Variants in RAD51B observed in about 807,000 individuals in gnomAD.
RAD51B encodes RAD51 paralog B.
In RAD51B, 38 loss-of-function variants were observed where a neutral mutation model predicts 42.2. That is an observed-to-expected ratio of 0.90 (90% CI 0.70 to 1.18). RAD51B has a LOEUF of 1.18. RAD51B is among the 50% of genes most tolerant of loss of function. The pLI is 0.00. For missense variants in RAD51B, 373 were observed against 400.7 expected (o/e 0.93, Z 0.59); for synonymous variants, 154 against 145.2 (o/e 1.06, Z -0.43).
At chr14:68,568,987 C>T (rs1471434040) in intron 10 of RAD51B, among the ~76,000 whole-genome samples, 1 of 152,200 alleles carries the variant, frequency 6.6e-6, no homozygotes, top group South Asian at 2.1e-4. Context: ...TGTGGCTGGG[C>T]TTCCACAATG....
intron 10 of RAD51B, among the ~76,000 whole-genome samples, chr14:68,519,764 A>G (rs1216818556): frequency 6.6e-6 from 1 of 152,168 alleles, no homozygotes. Flanking sequence ...TCTGTATTAG[A>G]TTGCCCAGGA....
chr14:67,831,548 T>C (rs2041046381), intron 3 of RAD51B, among the ~76,000 whole-genome samples: 1 of 152,164 alleles, frequency 6.6e-6, no homozygotes, highest in Non-Finnish European at 1.5e-5. Flanking sequence ...TTTTATTCCT[T>C]TTTTTGAGAT....
At chr14:67,931,426 T>G (rs1486584255) in intron 7 of RAD51B, among the ~76,000 whole-genome samples, 1 of 152,050 alleles carries the variant, frequency 6.6e-6, no homozygotes, top group Non-Finnish European at 1.5e-5. Flanking sequence ...TTTCTTTGTA[T>G]TGTTTTTTGA....
intron 10 of RAD51B, among the ~76,000 whole-genome samples, chr14:68,474,151 A>G (rs1357676632): frequency 2.0e-5 from 3 of 152,188 alleles, no homozygotes; most frequent in Non-Finnish European, 4.4e-5. Context: ...CAATTTTATT[A>G]CCTGTGCTTC....
chr14:68,577,592 C>T (rs1890020996), intron 10 of RAD51B, among the ~76,000 whole-genome samples: 1 of 152,142 alleles, frequency 6.6e-6, no homozygotes, highest in African/African-American at 2.4e-5. Flanking sequence ...ATGCTCCCTT[C>T]ACTTCAGACC....
rs59465805 is a variant in RAD51B at position 67,948,931 on chromosome 14, C to CAAAAAAAAAA, written c.756+61745_756+61754dup. Among the ~76,000 whole-genome samples the CAAAAAAAAAA allele has an allele frequency of 3.3e-3, 56 of 17,060 alleles. 12 individuals carry two copies. The highest frequency in any genetic ancestry group is 0.01 in the African/African-American group (54 of 5,214). The allele number at this position is 17,060 out of a possible 152,430, so 11.2% of individuals were successfully genotyped here. ...TGGGTGACAGAGTGAGACTCTGTCT[C>CAAAAAAAAAA]AAAAAAAAAAAAAAAAAAAAAAAAA... is the stretch of plus-strand genomic sequence containing the variant. On this transcript the variant is annotated intron_variant, in intron 7 of 10. Transcript: ENST00000471583.
intron 7 of RAD51B, among the ~76,000 whole-genome samples, chr14:68,131,920 A>G (rs965821284): frequency 5.3e-5 from 8 of 152,248 alleles, no homozygotes; most frequent in Non-Finnish European, 8.8e-5. Flanking sequence ...GATATGTTTA[A>G]GATAGACTTG....
intron 7 of RAD51B, among the ~76,000 whole-genome samples, chr14:67,974,384 A>G (rs1452379622): frequency 1.3e-5 from 2 of 152,122 alleles, no homozygotes; most frequent in Non-Finnish European, 2.9e-5. Flanking sequence ...TCAGTTAGCA[A>G]CTGAATATCT....
chr14:68,660,323 G>A (rs1409100859), intron 11 of RAD51B, among the ~76,000 whole-genome samples: 3 of 152,238 alleles, frequency 2.0e-5, no homozygotes, highest in Admixed American at 6.5e-5. Flanking sequence ...GTGAATCGTG[G>A]ATTTGAGATT....
At chr14:67,940,645 A>G (rs760674760) in intron 7 of RAD51B, among the ~76,000 whole-genome samples, 5 of 152,134 alleles carry the variant, frequency 3.3e-5, no homozygotes, top group Non-Finnish European at 7.4e-5. Flanking sequence ...AGTCAGAGAT[A>G]TAAGTTCTCA....
chr14:68,580,718 C>T (rs562416906), intron 10 of RAD51B, among the ~76,000 whole-genome samples: 2 of 152,282 alleles, frequency 1.3e-5, no homozygotes, highest in African/African-American at 2.4e-5. Context: ...CTCTTCTTCC[C>T]TTTCAGTTAT....
At chr14:68,086,483 T>G (rs563729235) in intron 7 of RAD51B, among the ~76,000 whole-genome samples, 4 of 152,298 alleles carry the variant, frequency 2.6e-5, no homozygotes, top group African/African-American at 9.6e-5. Context: ...CACCTAGGCC[T>G]GTGGGCCCAG....
At chr14:68,435,568 A>T (rs768202184) in intron 9 of RAD51B, among the ~76,000 whole-genome samples, 10 of 151,580 alleles carry the variant, frequency 6.6e-5, no homozygotes, top group Non-Finnish European at 1.5e-4. Flanking sequence ...GCTAAGTCAA[A>T]TGATAGTTTT....
intron 7 of RAD51B, among the ~76,000 whole-genome samples, chr14:68,084,825 C>T (rs747869972): frequency 1.3e-5 from 2 of 152,056 alleles, no homozygotes; most frequent in Non-Finnish European, 2.9e-5. Context: ...TTGTACGCTG[C>T]TGTGTGTGTC....
At chr14:68,300,602 T>C (rs1157782272) in intron 8 of RAD51B, among the ~76,000 whole-genome samples, 1 of 152,210 alleles carries the variant, frequency 6.6e-6, no homozygotes, top group Non-Finnish European at 1.5e-5. Context: ...AATGTAAAAA[T>C]ATTTTCTTTT....
chr14:68,128,585 G>A (rs1247273900), intron 7 of RAD51B, among the ~76,000 whole-genome samples: 2 of 152,074 alleles, frequency 1.3e-5, no homozygotes, highest in African/African-American at 2.4e-5. Flanking sequence ...CCAGCTACAC[G>A]GGAGGCTGAG....
intron 9 of RAD51B, among the ~76,000 whole-genome samples, chr14:68,450,091 AG>A (rs1437492871): frequency 1.1e-4 from 17 of 151,996 alleles, no homozygotes; most frequent in Non-Finnish European, 2.5e-4. Context: ...AATTAGGCCA[AG>A]CCCAAGGTTG....
chr14:68,138,438 G>A (rs1046014831), intron 7 of RAD51B, among the ~76,000 whole-genome samples: 1 of 152,066 alleles, frequency 6.6e-6, no homozygotes, highest in South Asian at 2.1e-4. Flanking sequence ...AATTACCAAA[G>A]AACTTTACTG....
Position 68,122,594 on chromosome 14 carries a change from T to G in RAD51B, c.757-169290T>G, listed in dbSNP as rs371833896. On this transcript the variant is annotated intron_variant, in intron 7 of 10. Coordinates refer to ENST00000471583, the MANE Select transcript of RAD51B (RefSeq NM_133510.4). ...GTTGGTTTTATACTTTTTGGTGGAA[T>G]GATAAATTGTTAGATACAACTTCTG... is the stretch of plus-strand genomic sequence containing the variant. Among the ~76,000 whole-genome samples, 10 of 152,340 alleles carry G rather than the reference T, an allele frequency of 6.6e-5. No homozygotes were observed. The East Asian group carries it at 9.6e-4, about 15-fold the overall frequency.
Sources: allele counts gnomAD v4.1 joint callset (sites outside exome capture counted in the v4.1 genomes callset), GRCh38; gene constraint gnomAD v4.1.1; transcripts MANE v1.5; gene names NCBI Gene and HGNC (gene_info 2026-07-23, HGNC 2026-07-21).